Variants in NHS observed in about 807,000 individuals in gnomAD.
NHS encodes the protein NHS actin remodeling regulator.
In NHS, 5 loss-of-function variants were observed where a neutral mutation model predicts 72.5. The observed-to-expected ratio is 0.07, with a 90% CI of 0.04 to 0.14. The LOEUF (loss-of-function observed/expected upper bound fraction) is 0.14, where lower values mean the gene tolerates loss of function less well. Ranked by LOEUF, NHS falls within the 10% of genes least tolerant of loss-of-function variation. The pLI is 1.00. For synonymous variants in NHS, 464 were observed against 547.7 expected, an observed-to-expected ratio of 0.85 and a Z score of 2.13; for missense variants, 1,072 against 1,355.7, an observed-to-expected ratio of 0.79 and a Z score of 3.29.
At chrX:17,381,790 G>C (rs766737650) in intron 1 of NHS, among the ~76,000 whole-genome samples, 1 of 112,017 alleles carries the variant, frequency 8.9e-6, no homozygotes, top group East Asian at 2.8e-4. Flanking sequence ...ACAGTTATTT[G>C]GTATGTATCT....
intron 1 of NHS, among the ~76,000 whole-genome samples, chrX:17,383,780 C>T (rs1407034014): frequency 8.9e-6 from 1 of 111,967 alleles, no homozygotes; most frequent in Admixed American, 9.4e-5. Context: ...CAAACCATAT[C>T]AGTGGGTCTG....
chrX:17,448,383 A>T (rs1476716686), intron 1 of NHS, among the ~76,000 whole-genome samples: 2 of 112,220 alleles, frequency 1.8e-5, no homozygotes, highest in African/African-American at 3.2e-5. Flanking sequence ...TTGTAAGATG[A>T]TACTCTGGGA....
chrX:17,704,598 A>G (rs1473431415), intron 3 of NHS, among the ~76,000 whole-genome samples: 2 of 111,536 alleles, frequency 1.8e-5, no homozygotes, highest in Non-Finnish European at 3.8e-5. Flanking sequence ...ACGCCCGGCC[A>G]AAATTTTTTA....
Position 17,732,361 on chromosome X carries a change from G to A in NHS, c.4853G>A (p.Arg1618His), listed in dbSNP as rs2066494254. ...PAASSSRYSVRCRLYNTPMQA... is the reference protein window; with the variant it reads ...PAASSSRYSVHCRLYNTPMQA... Reference sequence around the variant, plus strand: ...GCCAGCAGCAGCCGCTACAGTGTCCGCTGCCGGCTGTACAATACGCCCATG... The same window carrying A: ...GCCAGCAGCAGCCGCTACAGTGTCCACTGCCGGCTGTACAATACGCCCATG... The change falls in exon 9 of 9, where the codon CGC (arginine) becomes CAC (histidine). Residue 1618 changes from arginine (R) to histidine (H), a missense_variant. Arg to His is a conservative substitution (Grantham distance 29). Transcript: ENST00000676302. The A allele has an allele frequency of 8.2e-7, 1 of 1,212,428 alleles. No individual in the cohort carries two copies. The highest frequency in any genetic ancestry group is 1.1e-6 in the Non-Finnish European group (1 of 895,662).
chrX:17,391,544 G>T (rs768612263), intron 1 of NHS, among the ~76,000 whole-genome samples: 2 of 111,901 alleles, frequency 1.8e-5, no homozygotes, highest in Non-Finnish European at 3.8e-5. Flanking sequence ...CTTGGGTAAA[G>T]GATGTAGGTA....
chrX:17,642,950 T>C (rs1368516540), intron 1 of NHS, among the ~76,000 whole-genome samples: 1 of 112,269 alleles, frequency 8.9e-6, no homozygotes, highest in Non-Finnish European at 1.9e-5. Flanking sequence ...AAGTGATGGA[T>C]ATAATGTGTT....
intron 1 of NHS, among the ~76,000 whole-genome samples, chrX:17,438,399 A>T (rs1293670422): frequency 8.9e-6 from 1 of 112,357 alleles, no homozygotes; most frequent in Non-Finnish European, 1.9e-5. Flanking sequence ...GAAGAGCCAG[A>T]TCCTAGTCCT....
intron 1 of NHS, among the ~76,000 whole-genome samples, chrX:17,440,662 GAAA>G (rs1165550069): frequency 9.0e-6 from 1 of 111,632 alleles, no homozygotes; most frequent in Admixed American, 9.5e-5. Flanking sequence ...TCTTAAAAAA[GAAA>G]AAAGTTTGGA....
intron 7 of NHS, 52 bp from the exon 8 acceptor site, chrX:17,728,597 A>T (rs747313659): frequency 8.4e-7 from 1 of 1,191,327 alleles, no homozygotes; most frequent in Non-Finnish European, 1.1e-6. Flanking sequence ...AGTGAAGTAC[A>T]GTAGCGTGCT....
intron 1 of NHS, among the ~76,000 whole-genome samples, chrX:17,414,428 G>A (rs919595423): frequency 1.8e-5 from 2 of 112,218 alleles, no homozygotes; most frequent in Non-Finnish European, 1.9e-5. Context: ...AATCATTGAC[G>A]ATCATGTACT....
chrX:17,512,333 G>A (rs1286517026), intron 1 of NHS, among the ~76,000 whole-genome samples: 4 of 112,247 alleles, frequency 3.6e-5, no homozygotes, highest in Non-Finnish European at 7.5e-5. Context: ...CATAATGTAT[G>A]TTTTAAAAAT....
At chrX:17,430,326 TTCTTTTTCTTC>T (rs1317794926) in intron 1 of NHS, among the ~76,000 whole-genome samples, 18 of 92,114 alleles carry the variant, frequency 2.0e-4, no homozygotes, top group African/African-American at 7.1e-4. Context: ...CTTTCTTTCT[TTCTTTTTCTTC>T]TCTTTCTTTC....
At chrX:17,478,244 T>C (rs1303764284) in intron 1 of NHS, among the ~76,000 whole-genome samples, 1 of 112,108 alleles carries the variant, frequency 8.9e-6, no homozygotes, top group Non-Finnish European at 1.9e-5. Context: ...CTTTGCCAGA[T>C]CTTTAGTAAT....
intron 1 of NHS, among the ~76,000 whole-genome samples, chrX:17,557,620 AG>A (rs2065386578): frequency 9.0e-6 from 1 of 110,975 alleles, no homozygotes; most frequent in African/African-American, 3.3e-5. Context: ...GTGGGCCAGG[AG>A]TTTGGGCACA....
intron 1 of NHS, among the ~76,000 whole-genome samples, chrX:17,565,395 G>A (rs959652240): frequency 8.9e-6 from 1 of 112,642 alleles, no homozygotes; most frequent in African/African-American, 3.2e-5. Flanking sequence ...ACATAATCAT[G>A]AGAAATCATA....
chrX:17,615,092 G>GTA (rs1427501082), intron 1 of NHS, among the ~76,000 whole-genome samples: 92 of 94,262 alleles, frequency 9.8e-4, no homozygotes, highest in South Asian at 2.4e-3. Context: ...ATATATGTGT[G>GTA]TATATATATA....
intron 1 of NHS, among the ~76,000 whole-genome samples, chrX:17,554,347 CA>C (rs2065354689): frequency 8.9e-6 from 1 of 112,159 alleles, no homozygotes; most frequent in African/African-American, 3.3e-5. Context: ...TGCCTTTCCT[CA>C]GAACACTGTG....
chrX:17,649,446 T>A (rs955691856), intron 1 of NHS, among the ~76,000 whole-genome samples: 2 of 111,191 alleles, frequency 1.8e-5, no homozygotes, highest in Admixed American at 9.5e-5. Context: ...GTGAGGTTAG[T>A]CTTTGGGGGC....
At chrX:17,383,339 C>A (rs902082856) in intron 1 of NHS, among the ~76,000 whole-genome samples, 1 of 111,443 alleles carries the variant, frequency 9.0e-6, no homozygotes, top group Non-Finnish European at 1.9e-5. Context: ...ACTATTTAGC[C>A]CAGGATTATT....
Sources: allele counts gnomAD v4.1 joint callset (sites outside exome capture counted in the v4.1 genomes callset), GRCh38; gene constraint gnomAD v4.1.1; transcripts MANE v1.5; gene names NCBI Gene and HGNC (gene_info 2026-07-23, HGNC 2026-07-21).